The following SUCLA2 variants were observed in gnomAD, a reference collection of about 807,000 sequenced individuals.
The protein encoded by SUCLA2 is succinate-CoA ligase ADP-forming subunit beta.
SUCLA2 carries 30 observed loss-of-function variants against 54.8 expected under a neutral mutation model. That is an observed-to-expected ratio of 0.55 (90% confidence interval 0.41 to 0.74). The LOEUF is 0.74. Ranked by LOEUF, SUCLA2 falls within the 30% of genes least tolerant of loss-of-function variation. The pLI is 0.00. For missense variants in SUCLA2, 476 were observed against 562.9 expected, an observed-to-expected ratio of 0.85 and a Z score of 1.56; for synonymous variants, 172 against 188.9, an observed-to-expected ratio of 0.91 and a Z score of 0.74.
At chr13:47,986,100 G>A (rs942054528) in intron 4 of SUCLA2, among the ~76,000 whole-genome samples, 32 of 139,790 alleles carry the variant, frequency 2.3e-4, no homozygotes, top group African/African-American at 6.7e-4. Flanking sequence ...GCACAACCTC[G>A]GCTCACTGCA....
intron 6 of SUCLA2, among the ~76,000 whole-genome samples, chr13:47,967,865 AAG>A (rs1273678675): frequency 1.3e-5 from 2 of 150,810 alleles, no homozygotes; most frequent in Non-Finnish European, 2.9e-5. Context: ...AAAAAAAAAA[AAG>A]TAATGAGATT....
intron 8 of SUCLA2, among the ~76,000 whole-genome samples, chr13:47,950,695 A>G (rs113423874): frequency 7.9e-5 from 12 of 152,260 alleles, no homozygotes; most frequent in African/African-American, 2.9e-4. Context: ...CAGCTATACC[A>G]GGGCTTCTCA....
At chr13:47,943,766 G>GTGTGTGTATATATATATATATATATA in intron 10 of SUCLA2, among the ~76,000 whole-genome samples, 1 of 139,662 alleles carries the variant, frequency 7.2e-6, no homozygotes, top group African/African-American at 2.7e-5. Context: ...GTGTGTGTGT[G>GTGTGTGTATATATATATATATATATA]TATATATATA....
chr13:47,942,761 T>C lies in SUCLA2; in HGVS notation c.*610A>G, dbSNP rs780051554. ...AAGCAAACCTACAGGTGTTTCTTAA[T>C]ATGACAGAATCATGAAGACTTGCAG... On this transcript the variant is annotated 3_prime_UTR_variant, in exon 11 of 11. Transcript: ENST00000646932. The C allele has an allele frequency of 6.6e-6, 1 of 152,594 alleles. No individual in the cohort carries two copies. The highest frequency in any genetic ancestry group is 1.5e-5 in the Non-Finnish European group (1 of 68,288). The allele number at this position is 152,594 out of a possible 1,614,324, so 9.5% of individuals were successfully genotyped here. A position where few individuals can be genotyped will look rare whatever the true frequency, so the allele number is the denominator to read the frequency against.
At chr13:47,972,466 C>A (rs548719413) in intron 5 of SUCLA2, among the ~76,000 whole-genome samples, 1 of 151,732 alleles carries the variant, frequency 6.6e-6, no homozygotes, top group East Asian at 2.0e-4. Context: ...GTCAGGAGTT[C>A]GAGACCAACC....
intron 2 of SUCLA2, among the ~76,000 whole-genome samples, chr13:47,995,139 G>A (rs912852304): frequency 6.6e-6 from 1 of 152,138 alleles, no homozygotes; most frequent in Non-Finnish European, 1.5e-5. Context: ...AGGATCACTT[G>A]AGCCCAGGAG....
Position 47,968,539 on chromosome 13 carries a change from G to C in SUCLA2, c.802+56C>G, listed in dbSNP as rs969385829. The C allele has an allele frequency of 1.0e-5, 16 of 1,595,868 alleles. No homozygotes were observed. In the Admixed American group the frequency reaches 1.3e-4, roughly 13 times the overall value. On this transcript the variant is annotated intron_variant, in intron 6 of 10. Transcript: ENST00000646932. Reference sequence around the variant, plus strand: ...ACTTCTATGATTTAACTTCCTTAGGGAAGCATATTAGAGAAATAAATGCAT... The same window carrying C: ...ACTTCTATGATTTAACTTCCTTAGGCAAGCATATTAGAGAAATAAATGCAT...
At position 47,980,738 on chromosome 13, in the gene SUCLA2, AC is replaced by A. The variant is rs1950054814; in HGVS notation, c.535-7347del. Among the ~76,000 whole-genome samples, 3 of 152,308 alleles carry A rather than the reference AC, an allele frequency of 2.0e-5. No homozygotes were observed. In the South Asian group the frequency reaches 6.2e-4, roughly 32 times the overall value. Reference sequence around the variant, plus strand: ...AAACAGCATGATAATGCATAAAAAAACAGACATATAGACCAATGGAATAGAA... The same window carrying A: ...AAACAGCATGATAATGCATAAAAAAAAGACATATAGACCAATGGAATAGAA... On this transcript the variant is annotated intron_variant, in intron 4 of 10. Coordinates refer to ENST00000646932, the MANE Select transcript of SUCLA2 (RefSeq NM_003850.3).
chr13:47,967,155 A>C (rs1249084780), intron 6 of SUCLA2, among the ~76,000 whole-genome samples: 1 of 152,184 alleles, frequency 6.6e-6, no homozygotes, highest in African/African-American at 2.4e-5. Context: ...AAGGTTTTTT[A>C]AATCAGTATT....
chr13:48,000,937 G>A, intron 1 of SUCLA2: 1 of 1,391,416 alleles, frequency 7.2e-7, no homozygotes, highest in Non-Finnish European at 9.3e-7. Flanking sequence ...GAAACTGCAG[G>A]AGCAGCCACG....
chr13:47,951,228 C>A (rs895734969), intron 8 of SUCLA2, among the ~76,000 whole-genome samples: 1 of 151,448 alleles, frequency 6.6e-6, no homozygotes, highest in Non-Finnish European at 1.5e-5. Context: ...CTCCGCTCAA[C>A]CTCCTTCCCC....
rs1950124035 is a variant in SUCLA2, at chr13:47,988,597, G to A, written c.478C>T (p.Arg160Ter). Residue 160 changes from arginine (R) to a stop codon, truncating the protein, a stop_gained, in exon 4 of 11, where the codon CGA becomes TGA. Transcript: ENST00000646932. LOFTEE classifies it high-confidence loss of function. ...RICNQVLVCE[R>*]KYPRREYYFA... The stretch of plus-strand genomic sequence containing the variant: ...TAGTATTCTCTCCTGGGATATTTTC[G>A]CTCACAGACCAATACTTGATTGCAT... The A allele has an allele frequency of 8.7e-6, 14 of 1,613,652 alleles. No homozygotes were observed. The highest frequency in any genetic ancestry group is 1.1e-5 in the Non-Finnish European group (13 of 1,179,946).
At position 47,954,473 on chromosome 13, in the gene SUCLA2, T is replaced by G. The variant is rs540693810; in HGVS notation, c.887A>C (p.Gln296Pro). Reference protein sequence around the residue: ...KKIFDLQDWTQEDERDKDAAK... With the variant: ...KKIFDLQDWTPEDERDKDAAK... Reference sequence around the variant, plus strand: ...AGCATCTTTGTCCCTTTCATCTTCCTGGGTCCAGTCCTGTAGATCAAAGAT... The same window carrying G: ...AGCATCTTTGTCCCTTTCATCTTCCGGGGTCCAGTCCTGTAGATCAAAGAT... The change falls in exon 7 of 11, where the codon CAG (glutamine) becomes CCG (proline). Residue 296 changes from glutamine (Q) to proline (P), a missense_variant. Coordinates refer to ENST00000646932, the MANE Select transcript of SUCLA2 (RefSeq NM_003850.3). The G allele has an allele frequency of 1.2e-6, 2 of 1,614,004 alleles. No individual in the cohort carries two copies. Among genetic ancestry groups the G allele is most frequent in the Admixed American group, 3.3e-5 (2 of 60,002 alleles).
Position 47,964,251 on chromosome 13 carries a change from T to TA in SUCLA2, c.802+4343dup, listed in dbSNP as rs754090011. Among the ~76,000 whole-genome samples, 255 of 146,292 alleles carry TA rather than the reference T, an allele frequency of 1.7e-3. 1 individual carries two copies. The highest frequency in any genetic ancestry group is 2.5e-3 in the Non-Finnish European group (164 of 66,058). On this transcript the variant is annotated intron_variant, in intron 6 of 10. Transcript: ENST00000646932. The stretch of plus-strand genomic sequence containing the variant: ...TTGCATTTATATAACATTCTCAAAA[T>TA]AAAAAAAAAACTATAGAGGATGAAG...
At chr13:47,967,324 C>A (rs1047360814) in intron 6 of SUCLA2, among the ~76,000 whole-genome samples, 7 of 151,884 alleles carry the variant, frequency 4.6e-5, no homozygotes, top group African/African-American at 1.4e-4. Context: ...CACTGCAGAA[C>A]CTTTACTTTA....
At chr13:48,000,411 T>C (rs1455284445) in intron 1 of SUCLA2, among the ~76,000 whole-genome samples, 2 of 152,236 alleles carry the variant, frequency 1.3e-5, no homozygotes, top group Admixed American at 6.5e-5. Context: ...CCAAATTACT[T>C]GTTCTCTTAA....
At chr13:47,965,494 TA>T (rs35331016) in intron 6 of SUCLA2, 176,724 of 309,234 alleles carry the variant, frequency 0.57, 34,546 homozygotes, top group Admixed American at 0.59. Context: ...ACCCCTTCTT[TA>T]AAAAAAAAAA....
intron 10 of SUCLA2, among the ~76,000 whole-genome samples, chr13:47,943,996 T>C (rs1949709570): frequency 6.6e-6 from 1 of 152,006 alleles, no homozygotes. Context: ...CTACAATCTG[T>C]CTAAAAATAT....
intron 6 of SUCLA2, chr13:47,965,521 A>C (rs1161468895): frequency 2.5e-6 from 1 of 396,252 alleles, no homozygotes; most frequent in African/African-American, 2.1e-5. Context: ...ACAAACAAAA[A>C]AAAAAAACAA....
Sources: gnomAD v4.1 joint callset for allele counts (sites outside exome capture counted in the v4.1 genomes callset) on GRCh38, gnomAD v4.1.1 for gene constraint, MANE v1.5 for transcripts, NCBI Gene and HGNC (gene_info 2026-07-23, HGNC 2026-07-21) for gene names.